Variants in REV3L observed in about 807,000 individuals in gnomAD.
The protein encoded by REV3L is DNA polymerase zeta catalytic subunit.
In REV3L, 69 loss-of-function variants were observed where a neutral mutation model predicts 299.4. The ratio of observed to expected loss-of-function variants is 0.23; its 90% confidence interval spans 0.19 to 0.28. The LOEUF is 0.28. REV3L is among the 10% of genes least tolerant of loss of function. The pLI is 1.00. For missense variants in REV3L, 3,128 were observed against 3,693.8 expected (o/e 0.85, Z 3.97); for synonymous variants, 1,238 against 1,271.4 (o/e 0.97, Z 0.56).
At position 111,374,069 on chromosome 6, in the gene REV3L, A is replaced by G; in HGVS notation, c.4286T>C (p.Ile1429Thr). ...CTTTGACTGTTCCGCTATGCACACAATCTGCTGCTGACTGTCTTTGCAATG... is the reference window on the plus strand; with the variant it reads ...CTTTGACTGTTCCGCTATGCACACAGTCTGCTGCTGACTGTCTTTGCAATG... ...FLHCKDSQQQ[I>T]VCIAEQSKHS... The change falls in exon 13 of 32, where the codon ATT (isoleucine) becomes ACT (threonine). Residue 1429 changes from isoleucine to threonine, a missense_variant. By Grantham distance (89) the Ile-to-Thr change is moderately conservative. This residue lies in a region of REV3L where 2,409 missense variants were observed against 2,611.8 expected (regional missense o/e 0.92). Coordinates refer to ENST00000368802, the MANE Select transcript of REV3L (RefSeq NM_001372078.1). The G allele has an allele frequency of 1.2e-6, 2 of 1,614,100 alleles. No individual in the cohort carries two copies. The highest frequency in any genetic ancestry group is 1.7e-6 in the Non-Finnish European group (2 of 1,179,968).
chr6:111,397,885 C>T (rs1782688000), intron 4 of REV3L, among the ~76,000 whole-genome samples: 1 of 151,986 alleles, frequency 6.6e-6, no homozygotes, highest in African/African-American at 2.4e-5. Flanking sequence ...AATCCTCCTG[C>T]CTCAGCTTCT....
At position 111,482,972 on chromosome 6, in the gene REV3L, GCGGCGCCCCCTCCCCTTCT is replaced by G; in HGVS notation, c.-103_-85del. ...GGCGGCGGCTCCCTCCGCAGCGGCG[GCGGCGCCCCCTCCCCTTCT>G]CGGCACGGCCCCCTCCCCTCACACA... On this transcript the variant is annotated 5_prime_UTR_variant, in exon 1 of 32. Coordinates refer to ENST00000368802, the MANE Select transcript of REV3L (RefSeq NM_001372078.1). 4.3e-6 allele frequency: 6 copies of G among 1,407,300 alleles called. No homozygotes were observed. The highest frequency in any genetic ancestry group is 4.6e-6 in the Non-Finnish European group (5 of 1,082,494). 87.2% of individuals were successfully genotyped at this position (1,407,300 alleles called of 1,614,324 possible).
intron 21 of REV3L, among the ~76,000 whole-genome samples, chr6:111,339,281 A>G (rs1354722099): frequency 6.6e-6 from 1 of 152,104 alleles, no homozygotes; most frequent in Non-Finnish European, 1.5e-5. Flanking sequence ...ACATCTCTCT[A>G]TTATAGATAA....
rs953155387 is a variant in REV3L at position 111,299,938 on chromosome 6, G to A, written c.*78C>T. 9 of 1,403,156 alleles carry A rather than the reference G, an allele frequency of 6.4e-6. No homozygotes were observed. The Admixed American group carries it at 1.6e-4, about 25-fold the overall frequency. 86.9% of individuals were successfully genotyped at this position (1,403,156 alleles called of 1,614,324 possible). Reference sequence around the variant, plus strand: ...AGTGAACATCCTTGACTCGATGAAAGTTAAAAAGCACCATGCACAACAGTT... The same window carrying A: ...AGTGAACATCCTTGACTCGATGAAAATTAAAAAGCACCATGCACAACAGTT... On this transcript the variant is annotated 3_prime_UTR_variant, in exon 32 of 32. Transcript: ENST00000368802.
chr6:111,431,148 T>A, intron 1 of REV3L: 1 of 1,535,278 alleles, frequency 6.5e-7, no homozygotes, highest in Non-Finnish European at 9.0e-7. Flanking sequence ...TTCCAAGCGA[T>A]CTCAGCAGCC....
Position 111,467,896 on chromosome 6 carries a change from C to A in REV3L, c.139+14854G>T, listed in dbSNP as rs139627257. The stretch of plus-strand genomic sequence containing the variant: ...GCTAGAAGCACTACCATGATCTATG[C>A]ATGTTTTATACACATCACACACACA... On this transcript the variant is annotated intron_variant, in intron 1 of 31. Coordinates refer to ENST00000368802, the MANE Select transcript of REV3L (RefSeq NM_001372078.1). Among the ~76,000 whole-genome samples the A allele has an allele frequency of 2.9e-4, 44 of 152,250 alleles. No individual in the cohort carries two copies. The East Asian group carries it at 8.3e-3, about 29-fold the overall frequency.
chr6:111,322,272 T>C (rs947938538), intron 26 of REV3L, among the ~76,000 whole-genome samples: 5 of 152,216 alleles, frequency 3.3e-5, no homozygotes, highest in African/African-American at 1.2e-4. Context: ...GTAGTTTCTT[T>C]AAATAAACTA....
chr6:111,481,668 G>A (rs574668039), intron 1 of REV3L, among the ~76,000 whole-genome samples: 1 of 152,236 alleles, frequency 6.6e-6, no homozygotes, highest in South Asian at 2.1e-4. Flanking sequence ...AAATCCCATA[G>A]GGCAATTCAT....
At chr6:111,303,069 T>G (rs1771761842) in intron 31 of REV3L, among the ~76,000 whole-genome samples, 1 of 152,158 alleles carries the variant, frequency 6.6e-6, no homozygotes, top group African/African-American at 2.4e-5. Flanking sequence ...ATCACTTTTT[T>G]TTTTAGTTTG....
intron 1 of REV3L, among the ~76,000 whole-genome samples, chr6:111,442,165 C>A (rs1459454663): frequency 6.6e-6 from 1 of 152,138 alleles, no homozygotes; most frequent in African/African-American, 2.4e-5. Context: ...GTCAATTAGA[C>A]TGAGTTGGTT....
intron 19 of REV3L, among the ~76,000 whole-genome samples, chr6:111,350,278 C>A (rs1237107628): frequency 6.6e-6 from 1 of 152,126 alleles, no homozygotes; most frequent in Non-Finnish European, 1.5e-5. Context: ...AGACCATGTA[C>A]AACCACTCAC....
rs752567873 is a variant in REV3L, at chr6:111,333,194, A to C, written c.7854T>G (p.Leu2618=). 1 of 1,614,120 alleles carries C rather than the reference A, an allele frequency of 6.2e-7. No homozygotes were observed. The highest frequency in any genetic ancestry group is 8.5e-7 in the Non-Finnish European group (1 of 1,179,992). ...NSVLVLDFQS[L]YPSIVIAYNY... ...TATATGCAATCACAATAGAAGGATA[A>C]AGTGATTGGAAATCCAAAACGAGAA... Residue 2618 remains leucine (L), a synonymous_variant, in exon 23 of 32, where the codon CTT becomes CTG. Transcript: ENST00000368802.
At position 111,452,156 on chromosome 6, in the gene REV3L, A is replaced by G. The variant is rs78626574; in HGVS notation, c.139+30594T>C. Among the ~76,000 whole-genome samples the G allele has an allele frequency of 1.6e-3, 238 of 152,240 alleles. 3 individuals are homozygous for G. The highest frequency in any genetic ancestry group is 5.2e-3 in the African/African-American group (214 of 41,500). On this transcript the variant is annotated intron_variant, in intron 1 of 31. Coordinates refer to ENST00000368802, the MANE Select transcript of REV3L (RefSeq NM_001372078.1). ...AAATGAAAATTAAAACCACAATGAG[A>G]TATCATTACACTTTCACTAGAAAAG...
chr6:111,360,850 C>T (rs994188538), intron 16 of REV3L: 5 of 151,886 alleles, frequency 3.3e-5, no homozygotes. Context: ...AAATACAAAT[C>T]TACCACTTTC....
At chr6:111,407,812 T>C (rs1232344231) in intron 3 of REV3L, among the ~76,000 whole-genome samples, 1 of 152,116 alleles carries the variant, frequency 6.6e-6, no homozygotes, top group Non-Finnish European at 1.5e-5. Context: ...TGGTGGTGCC[T>C]GTAATCCTAA....
chr6:111,377,589 G>C (rs576359841), intron 12 of REV3L, 112 bp downstream of exon 12: 1 of 1,036,598 alleles, frequency 9.6e-7, no homozygotes, highest in African/African-American at 1.6e-5. Context: ...CTCTCACCTT[G>C]GACTCCCAGA....
chr6:111,317,485 CCTTA>C (rs750648586), intron 26 of REV3L, among the ~76,000 whole-genome samples: 1 of 152,008 alleles, frequency 6.6e-6, no homozygotes, highest in Non-Finnish European at 1.5e-5. Flanking sequence ...ACCAATACTA[CCTTA>C]CTTTATTTTA....
intron 1 of REV3L, among the ~76,000 whole-genome samples, chr6:111,422,605 TATATATACAC>T (rs1785549889): frequency 5.0e-5 from 1 of 19,808 alleles, no homozygotes. Context: ...CACATATATA[TATATATACAC>T]ATATATATAT....
chr6:111,312,347 C>G (rs1049368994), intron 28 of REV3L: 2 of 152,112 alleles, frequency 1.3e-5, no homozygotes, highest in African/African-American at 2.4e-5. Context: ...ATGCTCTCAT[C>G]AAACAGTATA....
Sources: gnomAD v4.1 joint callset for allele counts (sites outside exome capture counted in the v4.1 genomes callset) on GRCh38, gnomAD v4.1.1 for gene constraint, gnomAD v4.1.1 regional missense constraint, MANE v1.5 for transcripts, NCBI Gene and HGNC (gene_info 2026-07-23, HGNC 2026-07-21) for gene names.